The following STK3 variants were observed in gnomAD, a reference collection of about 807,000 sequenced individuals.
The protein encoded by STK3 is serine/threonine-protein kinase 3.
Under a neutral mutation model 58.0 loss-of-function variants are expected in STK3, and 41 were observed. The observed-to-expected ratio is 0.71, with a 90% CI of 0.55 to 0.92. The LOEUF (loss-of-function observed/expected upper bound fraction) is 0.92, where lower values mean the gene tolerates loss of function less well. Among genes scored for constraint, STK3 ranks in the 40% least tolerant of loss-of-function variants. The pLI is 0.00. For missense variants in STK3, 479 were observed against 602.7 expected, an observed-to-expected ratio of 0.79 and a Z score of 2.15; for synonymous variants, 170 against 191.0, an observed-to-expected ratio of 0.89 and a Z score of 0.91.
intron 3 of STK3, among the ~76,000 whole-genome samples, chr8:98,860,754 A>G (rs958972096): frequency 7.2e-5 from 11 of 152,080 alleles, no homozygotes; most frequent in Non-Finnish European, 4.4e-5. Flanking sequence ...TACGACAAAC[A>G]CACAAAAATC....
intron 10 of STK3, among the ~76,000 whole-genome samples, chr8:98,495,137 A>G (rs1251032879): frequency 6.6e-6 from 1 of 152,322 alleles, no homozygotes; most frequent in African/African-American, 2.4e-5. Context: ...TTGCCCGTAC[A>G]TCTCCAGGCT....
At position 98,374,178 on chromosome 8, in the gene STK3, T is replaced by C. The variant is rs147195891; in HGVS notation, n.112-2500A>G. Reference sequence around the variant, plus strand: ...ACAGGTTTTAGAAAGTGCAGAAGGTTGAGGATCAGTGAAGATCAAGCACTG... The same window carrying C: ...ACAGGTTTTAGAAAGTGCAGAAGGTCGAGGATCAGTGAAGATCAAGCACTG... On this transcript the variant is annotated intron_variant and non_coding_transcript_variant, in intron 2 of 2. Coordinates refer to the STK3 transcript ENST00000518704. Among the ~76,000 whole-genome samples, 1,086 of 152,280 alleles carry C rather than the reference T, an allele frequency of 7.1e-3. 18 individuals are homozygous for C. The highest frequency in any genetic ancestry group is 9.0e-3 in the Non-Finnish European group (610 of 68,018).
intron 9 of STK3, among the ~76,000 whole-genome samples, chr8:98,536,399 G>A (rs1209220501): frequency 6.6e-6 from 1 of 152,046 alleles, no homozygotes; most frequent in Admixed American, 6.6e-5. Flanking sequence ...GCTGCAATAA[G>A]CTATGGGCTA....
intron 4 of STK3, among the ~76,000 whole-genome samples, chr8:98,740,502 T>A (rs1229236294): frequency 6.6e-6 from 1 of 152,090 alleles, no homozygotes; most frequent in Non-Finnish European, 1.5e-5. Context: ...CTAAGCTTCA[T>A]AAGTGAAGGA....
intron 10 of STK3, among the ~76,000 whole-genome samples, chr8:98,490,784 G>C (rs1327129756): frequency 6.6e-6 from 1 of 152,108 alleles, no homozygotes; most frequent in African/African-American, 2.4e-5. Flanking sequence ...GTGGGGGTGC[G>C]AATCTAGACG....
intron 10 of STK3, among the ~76,000 whole-genome samples, chr8:98,511,455 T>C (rs1034136063): frequency 2.0e-5 from 3 of 152,194 alleles, no homozygotes; most frequent in East Asian, 3.9e-4. Context: ...CTAAGTATTT[T>C]AGAACATTTT....
At chr8:98,687,262 T>C (rs947642401) in intron 6 of STK3, among the ~76,000 whole-genome samples, 5 of 152,182 alleles carry the variant, frequency 3.3e-5, no homozygotes, top group Non-Finnish European at 7.4e-5. Flanking sequence ...AAGTTTTCCA[T>C]AGATAGGGTT....
At chr8:98,562,287 T>C (rs1416835485) in intron 8 of STK3, among the ~76,000 whole-genome samples, 1 of 152,114 alleles carries the variant, frequency 6.6e-6, no homozygotes, top group African/African-American at 2.4e-5. Flanking sequence ...AATAAGTTAA[T>C]GGATAAATGA....
intron 1 of STK3, among the ~76,000 whole-genome samples, chr8:98,790,742 T>A (rs1035910252): frequency 6.6e-6 from 1 of 152,154 alleles, no homozygotes; most frequent in Non-Finnish European, 1.5e-5. Context: ...CCCAGCACTT[T>A]GGGAGGCTGA....
chr8:98,733,593 C>T (rs1828362927), intron 4 of STK3, among the ~76,000 whole-genome samples: 1 of 152,160 alleles, frequency 6.6e-6, no homozygotes, highest in South Asian at 2.1e-4. Context: ...CCAAAAAGGT[C>T]GAGGACCACT....
rs150904734 is a variant in STK3, at chr8:98,569,202, T to C, written c.948+10462A>G. ...ACACCCAATCAATCAATCAATCAAT[T>C]AAGGGTAAATGTACAATAAAGACAC... On this transcript the variant is annotated intron_variant, in intron 8 of 10. Coordinates refer to ENST00000419617, the MANE Select transcript of STK3 (RefSeq NM_006281.4). Among the ~76,000 whole-genome samples the C allele has an allele frequency of 2.7e-4, 41 of 151,944 alleles. No homozygotes were observed. In the East Asian group the frequency reaches 6.6e-3, roughly 24 times the overall value.
chr8:98,914,855 TA>T (rs1179663361), intron 1 of STK3, among the ~76,000 whole-genome samples: 1 of 152,232 alleles, frequency 6.6e-6, no homozygotes, highest in Admixed American at 6.5e-5. Flanking sequence ...CATCTTTCAC[TA>T]AACAGAATCA....
At chr8:98,557,247 A>G (rs776408749) in intron 8 of STK3, among the ~76,000 whole-genome samples, 25 of 152,078 alleles carry the variant, frequency 1.6e-4, no homozygotes, top group Non-Finnish European at 2.8e-4. Flanking sequence ...TATTTTAATC[A>G]CTGAGTTAGA....
At chr8:98,431,978 C>T (rs968178565) in intron 3 of STK3, 17 of 167,018 alleles carry the variant, frequency 1.0e-4, no homozygotes, top group African/African-American at 3.4e-4. Flanking sequence ...AAGAACAACC[C>T]GGCTGGCTTA....
chr8:98,491,569 T>C (rs766027675), intron 10 of STK3, among the ~76,000 whole-genome samples: 13 of 152,064 alleles, frequency 8.5e-5, no homozygotes, highest in Non-Finnish European at 1.8e-4. Flanking sequence ...GCCTCCTGAG[T>C]AGCTGGAATT....
At chr8:98,589,309 T>G (rs1683535314) in intron 7 of STK3, among the ~76,000 whole-genome samples, 2 of 152,212 alleles carry the variant, frequency 1.3e-5, no homozygotes, top group Non-Finnish European at 2.9e-5. Flanking sequence ...TTAGTTTTCC[T>G]TCTAACAGAC....
At chr8:98,798,695 T>C (rs1833333995) in intron 1 of STK3, among the ~76,000 whole-genome samples, 1 of 152,240 alleles carries the variant, frequency 6.6e-6, no homozygotes, top group Non-Finnish European at 1.5e-5. Context: ...GTGCTGAATC[T>C]AAACGGTCAA....
At chr8:98,857,692 C>T (rs1275859327) in intron 3 of STK3, among the ~76,000 whole-genome samples, 2 of 152,110 alleles carry the variant, frequency 1.3e-5, no homozygotes, top group Non-Finnish European at 2.9e-5. Context: ...AAAGTGACAT[C>T]AATGACCATA....
rs2131238355 is a variant in STK3 at position 98,729,827 on chromosome 8, A to T, written c.351+19449T>A. On this transcript the variant is annotated intron_variant, in intron 4 of 10. Transcript: ENST00000419617. ...AGTTCAGAGAGGTAGTATGTAGCAG[A>T]GCCAGGATTCAAATCCTGGCAGTCT... is the stretch of plus-strand genomic sequence containing the variant. 1.3e-5 allele frequency among the ~76,000 whole-genome samples: 2 copies of T among 152,354 alleles called. 1 individual carries two copies. Among genetic ancestry groups the T allele is most frequent in the South Asian group, 4.1e-4 (2 of 4,832 alleles).
Sources: gnomAD v4.1 joint callset for allele counts (sites outside exome capture counted in the v4.1 genomes callset) on GRCh38, gnomAD v4.1.1 for gene constraint, MANE v1.5 for transcripts, NCBI Gene and HGNC (gene_info 2026-07-23, HGNC 2026-07-21) for gene names.